TBL1Y: variants seen among roughly 807,000 people sequenced by gnomAD.
TBL1Y encodes the protein F-box-like/WD repeat-containing protein TBL1Y.
A neutral mutation model predicts 12.0 loss-of-function variants in TBL1Y; 15 were observed. That is an observed-to-expected ratio of 1.25 (90% CI 0.83 to 1.92). TBL1Y has a LOEUF of 1.92. Among genes scored for constraint, TBL1Y ranks in the 40% most tolerant of loss-of-function variants. TBL1Y has a pLI of 0.00. For synonymous variants in TBL1Y, 53 were observed against 42.6 expected (o/e 1.24, Z -0.95); for missense variants, 148 against 116.7 (o/e 1.27, Z -1.24).
At chrY:7,066,520 C>T in intron 8 of TBL1Y, among the ~76,000 whole-genome samples, 1 of 33,126 alleles carries the variant, frequency 3.0e-5, no homozygotes, top group East Asian at 7.9e-4. Flanking sequence ...GCACACACCA[C>T]CACACCCAGC....
At position 7,071,833 on chromosome Y, in the gene TBL1Y, G is replaced by A; in HGVS notation, c.894+3G>A. The A allele has an allele frequency of 2.6e-6, 1 of 384,284 alleles. No individual in the cohort carries two copies. Among genetic ancestry groups the A allele is most frequent in the Non-Finnish European group, 3.7e-6 (1 of 271,813 alleles). ...TTTTGAGTGCTGGTGTAGACAAAGT[G>A]AGTATTAGCTTAAAATATGCCCCTT... On this transcript the variant is annotated splice_donor_region_variant and intron_variant, in intron 12 of 18. Coordinates refer to ENST00000383032, the MANE Select transcript of TBL1Y (RefSeq NM_033284.2).
intron 4 of TBL1Y, among the ~76,000 whole-genome samples, chrY:7,006,742 T>A: frequency 3.0e-5 from 1 of 32,788 alleles, no homozygotes; most frequent in Non-Finnish European, 7.5e-5. Context: ...GAATCTACAA[T>A]GAACTCAAAC....
intron 7 of TBL1Y, among the ~76,000 whole-genome samples, chrY:7,047,071 C>T (rs2012762791): frequency 6.0e-5 from 2 of 33,140 alleles, no homozygotes; most frequent in African/African-American, 2.4e-4. Context: ...CATGGAGGGA[C>T]GCTTCTCAGT....
chrY:7,073,443 TTCTC>T (rs1448325498), intron 12 of TBL1Y, among the ~76,000 whole-genome samples: 9 of 28,323 alleles, frequency 3.2e-4, no homozygotes, highest in Non-Finnish European at 5.2e-4. Context: ...CATAAGGTCT[TTCTC>T]TCTCTCTCTC....
intron 7 of TBL1Y, among the ~76,000 whole-genome samples, chrY:7,063,659 A>G (rs866037605): frequency 4.5e-4 from 15 of 33,083 alleles, no homozygotes; most frequent in Non-Finnish European, 1.0e-3. Context: ...CTTTGTGAGG[A>G]AGTTAAGTTT....
At chrY:6,948,722 A>G (rs2012003231) in intron 2 of TBL1Y, among the ~76,000 whole-genome samples, 2 of 29,790 alleles carry the variant, frequency 6.7e-5, no homozygotes, top group African/African-American at 1.3e-4. Flanking sequence ...TCATTTTGGT[A>G]TTCAGTTTCA....
chrY:6,966,850 TC>T (rs2124120262), intron 2 of TBL1Y, among the ~76,000 whole-genome samples: 1 of 33,394 alleles, frequency 3.0e-5, no homozygotes, highest in Non-Finnish European at 7.4e-5. Flanking sequence ...TCTCTCTCTC[TC>T]TCTCTTTTTT....
chrY:6,965,059 C>T, intron 2 of TBL1Y, among the ~76,000 whole-genome samples: 1 of 32,097 alleles, frequency 3.1e-5, no homozygotes, highest in African/African-American at 1.2e-4. Flanking sequence ...ATTCGGCTGG[C>T]GGCTGGTGTT....
intron 2 of TBL1Y, among the ~76,000 whole-genome samples, chrY:6,918,222 G>T (rs746638338): frequency 3.1e-5 from 1 of 32,054 alleles, no homozygotes; most frequent in Non-Finnish European, 7.6e-5. Flanking sequence ...CAGCTATGAG[G>T]GAAACCTCAT....
At chrY:6,994,801 G>C in intron 3 of TBL1Y, among the ~76,000 whole-genome samples, 2 of 33,491 alleles carry the variant, frequency 6.0e-5, no homozygotes, top group South Asian at 1.4e-3. Context: ...TAACCATCTG[G>C]AGGGGACTGC....
chrY:7,063,127 C>A (rs202116724), intron 7 of TBL1Y, among the ~76,000 whole-genome samples: 1 of 33,597 alleles, frequency 3.0e-5, no homozygotes, highest in African/African-American at 1.2e-4. Context: ...TGACTTCTCA[C>A]CAGAGAGAGT....
chrY:7,042,342 C>A, intron 6 of TBL1Y, among the ~76,000 whole-genome samples: 1 of 31,506 alleles, frequency 3.2e-5, no homozygotes, highest in Non-Finnish European at 7.7e-5. Flanking sequence ...ACAGGAATGT[C>A]CAACTGGGGC....
chrY:6,951,272 G>T (rs2012022400), intron 2 of TBL1Y, among the ~76,000 whole-genome samples: 1 of 33,329 alleles, frequency 3.0e-5, no homozygotes, highest in Non-Finnish European at 7.4e-5. Flanking sequence ...GCTCCTCCTT[G>T]TACCTCTGGT....
At chrY:6,967,881 C>G (rs935908225) in intron 2 of TBL1Y, among the ~76,000 whole-genome samples, 2 of 33,630 alleles carry the variant, frequency 5.9e-5, no homozygotes, top group Admixed American at 2.7e-4. Flanking sequence ...GCCTTAGTGT[C>G]CTCGGCTGCT....
intron 8 of TBL1Y, among the ~76,000 whole-genome samples, chrY:7,064,799 T>C (rs2012964330): frequency 3.0e-5 from 1 of 33,501 alleles, no homozygotes; most frequent in Non-Finnish European, 7.4e-5. Flanking sequence ...TATATACATG[T>C]GTGCACCAGT....
At chrY:6,961,604 CA>C in intron 2 of TBL1Y, among the ~76,000 whole-genome samples, 2 of 33,543 alleles carry the variant, frequency 6.0e-5, no homozygotes, top group Non-Finnish European at 1.5e-4. Flanking sequence ...GTCTTTCCAC[CA>C]AATCAGTTTT....
intron 4 of TBL1Y, among the ~76,000 whole-genome samples, chrY:7,000,919 T>C (rs2012445331): frequency 3.0e-5 from 1 of 33,757 alleles, no homozygotes; most frequent in South Asian, 6.6e-4. Context: ...GGCATTTTGT[T>C]TGGGGTCACC....
intron 8 of TBL1Y, among the ~76,000 whole-genome samples, chrY:7,066,673 G>GT (rs772735253): frequency 9.7e-4 from 24 of 24,727 alleles, no homozygotes; most frequent in East Asian, 2.1e-3. Flanking sequence ...GCTAAGAACT[G>GT]TTTTTTTTTT....
chrY:6,948,308 AG>A (rs2011998024), intron 2 of TBL1Y, among the ~76,000 whole-genome samples: 2 of 31,743 alleles, frequency 6.3e-5, no homozygotes, highest in African/African-American at 1.2e-4. Flanking sequence ...AGAATAAAGT[AG>A]TAAGCAGCAG....
Sources: allele counts gnomAD v4.1 joint callset (sites outside exome capture counted in the v4.1 genomes callset), GRCh38; gene constraint gnomAD v4.1.1; transcripts MANE v1.5; gene names NCBI Gene and HGNC (gene_info 2026-07-23, HGNC 2026-07-21).